LTN1: variants seen among roughly 807,000 people sequenced by gnomAD.
The protein encoded by LTN1 is listerin E3 ubiquitin protein ligase 1, also known as E3 ubiquitin-protein ligase listerin.
A neutral mutation model predicts 201.2 loss-of-function variants in LTN1; 88 were observed. That is an observed-to-expected ratio of 0.44 (90% CI 0.37 to 0.52). The LOEUF (loss-of-function observed/expected upper bound fraction) is 0.52, where lower values mean the gene tolerates loss of function less well. LTN1 is among the 20% of genes least tolerant of loss of function. The probability of loss-of-function intolerance (pLI) is 0.00; values close to 1 mark genes in which losing one functional copy is unlikely to be tolerated. For synonymous variants in LTN1, 645 were observed against 713.5 expected (o/e 0.90, Z 1.53); for missense variants, 1,752 against 2,038.7 (o/e 0.86, Z 2.71).
At chr21:28,941,527 A>G (rs2084297738) in intron 24 of LTN1, 121 bp from the exon 25 acceptor site, 2 of 748,802 alleles carry the variant, frequency 2.7e-6, no homozygotes, top group Non-Finnish European at 4.2e-6. Context: ...AAACGTTTTA[A>G]AAATTCCCCT....
At chr21:28,961,084 G>A (rs1350479494) in intron 11 of LTN1, among the ~76,000 whole-genome samples, 1 of 152,000 alleles carries the variant, frequency 6.6e-6, no homozygotes, top group Non-Finnish European at 1.5e-5. Context: ...TTACTGGATT[G>A]TATAATTATT....
chr21:28,961,878 G>A (rs1313090879), intron 11 of LTN1, among the ~76,000 whole-genome samples: 1 of 152,114 alleles, frequency 6.6e-6, no homozygotes, highest in Non-Finnish European at 1.5e-5. Context: ...GGGCATAGTG[G>A]CAGGTGCCTA....
At chr21:28,957,293 C>A in intron 15 of LTN1, 39 bp downstream of exon 15, 2 of 1,510,850 alleles carry the variant, frequency 1.3e-6, no homozygotes, top group Middle Eastern at 1.8e-4. Context: ...GAAATCCAAA[C>A]TTCAGAATGA....
At chr21:28,945,337 C>A (rs1348018042) in intron 21 of LTN1, among the ~76,000 whole-genome samples, 1 of 152,198 alleles carries the variant, frequency 6.6e-6, no homozygotes, top group Non-Finnish European at 1.5e-5. Flanking sequence ...ACCAATCCAA[C>A]CCTGACTGAC....
intron 17 of LTN1, among the ~76,000 whole-genome samples, chr21:28,952,630 C>A (rs1186808355): frequency 6.6e-6 from 1 of 152,174 alleles, no homozygotes; most frequent in Non-Finnish European, 1.5e-5. Context: ...CAAAGAGGTT[C>A]TTTGGTTCTG....
intron 20 of LTN1, 49 bp from the exon 21 acceptor site, chr21:28,946,000 C>G: frequency 4.6e-6 from 7 of 1,521,986 alleles, no homozygotes; most frequent in African/African-American, 1.4e-5. Context: ...TATTGACATT[C>G]AATTAGAAAG....
At chr21:28,949,369 C>T (rs2084365554) in intron 18 of LTN1, among the ~76,000 whole-genome samples, 1 of 152,164 alleles carries the variant, frequency 6.6e-6, no homozygotes, top group Admixed American at 6.5e-5. Context: ...ATAAAATACA[C>T]ATAAAATTAA....
At chr21:28,936,134 A>C (rs566389163) in intron 26 of LTN1, among the ~76,000 whole-genome samples, 1 of 152,316 alleles carries the variant, frequency 6.6e-6, no homozygotes, top group East Asian at 1.9e-4. Flanking sequence ...TATTCTTAGT[A>C]AATTGTTTCC....
At chr21:28,941,081 A>G (rs535034538) in intron 25 of LTN1, 139 bp downstream of exon 25, 1 of 649,470 alleles carries the variant, frequency 1.5e-6, no homozygotes, top group Non-Finnish European at 2.5e-6. Context: ...TGTCTCAAAT[A>G]AACAAAATAA....
chr21:28,973,763 A>C (rs150688673), intron 6 of LTN1, among the ~76,000 whole-genome samples: 61 of 152,306 alleles, frequency 4.0e-4, no homozygotes, highest in African/African-American at 1.3e-3. Context: ...GAAAAGAACA[A>C]AGTTGGAAGT....
intron 6 of LTN1, among the ~76,000 whole-genome samples, chr21:28,977,820 C>T (rs895867249): frequency 6.6e-6 from 1 of 151,900 alleles, no homozygotes; most frequent in Admixed American, 6.6e-5. Flanking sequence ...CCAAGCTACT[C>T]GGGAGGCTAA....
In LTN1 at chr21:28,948,423, CCAT is replaced by C. The variant is rs1386274618; in HGVS notation, c.3345-820_3345-818del. On this transcript the variant is annotated intron_variant, in intron 18 of 29. Coordinates refer to ENST00000361371, the MANE Select transcript of LTN1 (RefSeq NM_015565.3). ...TAGCTCGGATTACAGGCATGCACCA[CCAT>C]GTCTGGCTAACTTTTTTTTTTCATT... Among the ~76,000 whole-genome samples, 41 of 151,318 alleles carry C rather than the reference CCAT, an allele frequency of 2.7e-4. 1 individual carries two copies.
intron 18 of LTN1, among the ~76,000 whole-genome samples, chr21:28,951,218 T>C (rs555600811): frequency 6.6e-6 from 1 of 152,344 alleles, no homozygotes; most frequent in South Asian, 2.1e-4. Flanking sequence ...TAAAAAGTTT[T>C]TTAAAACTTT....
In LTN1 at chr21:28,970,716, T is replaced by C. The variant is rs753358333; in HGVS notation, c.1011A>G (p.Lys337=). 5.6e-6 allele frequency: 9 copies of C among 1,613,800 alleles called. No individual in the cohort carries two copies. The African/African-American group carries it at 9.3e-5, about 17-fold the overall frequency. ...TTGATAGCTTGGGAAACACACTCTT[T>C]TTTGCATTTACATGAAGCCAACAGT... ...IEDCWLHVNA[K]KSVFPKLSTV... Residue 337 remains lysine, a synonymous_variant, in exon 8 of 30, where the codon AAA becomes AAG. Transcript: ENST00000361371.
intron 16 of LTN1, among the ~76,000 whole-genome samples, chr21:28,956,051 A>G (rs76134350): frequency 0.057 from 8,682 of 152,164 alleles, 365 homozygotes; most frequent in Non-Finnish European, 0.084. Flanking sequence ...TCTAATTTGT[A>G]TATGGGAGCT....
chr21:28,945,207 C>G (rs889820595), intron 21 of LTN1, among the ~76,000 whole-genome samples: 2 of 151,524 alleles, frequency 1.3e-5, no homozygotes, highest in African/African-American at 4.9e-5. Context: ...AGCAACAGAG[C>G]GAGATTCTAT....
chr21:28,946,837 C>A (rs1389728072), intron 19 of LTN1, among the ~76,000 whole-genome samples: 1 of 152,118 alleles, frequency 6.6e-6, no homozygotes, highest in Non-Finnish European at 1.5e-5. Flanking sequence ...CCAAAATGAA[C>A]AATCTGTACC....
chr21:28,958,474 C>A lies in LTN1; in HGVS notation c.2659G>T (p.Asp887Tyr). 6 of 1,611,824 alleles carry A rather than the reference C, an allele frequency of 3.7e-6. No individual in the cohort carries two copies. The highest frequency in any genetic ancestry group is 5.1e-6 in the Non-Finnish European group (6 of 1,178,800). ...SGVNLLVHQTDSSYKESTFLH... is the reference protein window; with the variant it reads ...SGVNLLVHQTYSSYKESTFLH... The stretch of plus-strand genomic sequence containing the variant: ...AAGGTACTCTCTTTATATGAACTGT[C>A]AGTTTGATGAACCAATAAATTTACA... Residue 887 changes from aspartate to tyrosine, a missense_variant, in exon 14 of 30, where the codon GAC becomes TAC. By Grantham distance (160) the Asp-to-Tyr change is radical (BLOSUM62 -3). Transcript: ENST00000361371.
intron 27 of LTN1, among the ~76,000 whole-genome samples, chr21:28,934,716 C>T (rs1467713573): frequency 6.6e-6 from 1 of 152,150 alleles, no homozygotes; most frequent in Non-Finnish European, 1.5e-5. Flanking sequence ...CTCGGCCTCC[C>T]AAAATGCTGG....
Sources: allele counts gnomAD v4.1 joint callset (sites outside exome capture counted in the v4.1 genomes callset), GRCh38; gene constraint gnomAD v4.1.1; transcripts MANE v1.5; gene names NCBI Gene and HGNC (gene_info 2026-07-23, HGNC 2026-07-21).